INAVA: variants seen among roughly 807,000 people sequenced by gnomAD.
The protein encoded by INAVA is innate immunity activator protein.
A neutral mutation model predicts 55.3 loss-of-function variants in INAVA; 32 were observed. The ratio of observed to expected loss-of-function variants is 0.58; its 90% CI spans 0.44 to 0.78. INAVA has a LOEUF of 0.78. Among genes scored for constraint, INAVA ranks in the 30% least tolerant of loss-of-function variants. The pLI, the probability that INAVA is intolerant of heterozygous loss-of-function variation, is 0.00. For missense variants in INAVA, 756 were observed against 786.4 expected (o/e 0.96, Z 0.46); for synonymous variants, 294 against 329.4 (o/e 0.89, Z 1.16).
At position 200,911,996 on chromosome 1, in the gene INAVA, C is replaced by G. The variant is rs1259747826; in HGVS notation, c.1503C>G (p.Ser501=). ...GGGGGCTCAGCAAGGCCGCCGTGTC[C>G]GAGGAGCTCAAGTGGTGGCACGAGC... is the stretch of plus-strand genomic sequence containing the variant. ...AGRGLSKAAV[S]EELKWWHERA... Residue 501 remains serine (S), a synonymous_variant, in exon 9 of 10, where the codon TCC becomes TCG. Coordinates refer to ENST00000413687, the MANE Select transcript of INAVA (RefSeq NM_001142569.3). 1.3e-6 allele frequency: 2 copies of G among 1,532,724 alleles called. No homozygotes were observed. Among genetic ancestry groups the G allele is most frequent in the South Asian group, 2.4e-5 (2 of 83,072 alleles). 94.9% of individuals were successfully genotyped at this position (1,532,724 alleles called of 1,614,324 possible).
intron 1 of INAVA, among the ~76,000 whole-genome samples, chr1:200,895,541 G>C (rs999626272): frequency 2.6e-5 from 4 of 152,114 alleles, no homozygotes; most frequent in Admixed American, 6.5e-5. Flanking sequence ...TGTTAGGGAG[G>C]GGGTGGGGAT....
chr1:200,904,452 C>T (rs960166840), intron 5 of INAVA, among the ~76,000 whole-genome samples: 9 of 152,168 alleles, frequency 5.9e-5, no homozygotes, highest in Admixed American at 3.9e-4. Context: ...AGTAGCCACT[C>T]GCTGCATGTG....
rs770666659 is a variant in INAVA, at chr1:200,900,923, GC to G, written c.298-9del. On this transcript the variant is annotated splice_polypyrimidine_tract_variant and intron_variant, in intron 4 of 9. Transcript: ENST00000413687. ...CCTGCCTCTCTCTAGCCTCACTCCTGCCCCCTCTCTCAGGACCCCCTAAGCA... is the reference window on the plus strand; with the variant it reads ...CCTGCCTCTCTCTAGCCTCACTCCTGCCCCTCTCTCAGGACCCCCTAAGCA... The G allele has an allele frequency of 1.3e-6, 2 of 1,533,522 alleles. No homozygotes were observed. The highest frequency in any genetic ancestry group is 2.5e-5 in the East Asian group (1 of 40,720). 95.0% of individuals were successfully genotyped at this position (1,533,522 alleles called of 1,614,324 possible).
chr1:200,893,789 G>A (rs751832435), upstream of INAVA, among the ~76,000 whole-genome samples: 6 of 152,166 alleles, frequency 3.9e-5, no homozygotes, highest in Admixed American at 6.5e-5. Context: ...CATGAGTTCC[G>A]CTCCACAGGA....
intron 8 of INAVA, among the ~76,000 whole-genome samples, chr1:200,911,134 TAAAAAA>T (rs66499924): frequency 2.6e-4 from 5 of 18,934 alleles, no homozygotes; most frequent in Admixed American, 4.4e-4. Flanking sequence ...TGTAGTACTT[TAAAAAA>T]AGTACTTAAT....
chr1:200,894,391 G>A (rs559158866), upstream of INAVA, among the ~76,000 whole-genome samples: 1 of 152,296 alleles, frequency 6.6e-6, no homozygotes, highest in South Asian at 2.1e-4. Flanking sequence ...CTGCATATTG[G>A]AATTCCAGCT....
chr1:200,905,192 C>A (rs1261750088), intron 5 of INAVA, among the ~76,000 whole-genome samples: 1 of 152,150 alleles, frequency 6.6e-6, no homozygotes, highest in Non-Finnish European at 1.5e-5. Context: ...TCAAGCCCAG[C>A]TCCTGGTACC....
At chr1:200,897,581 G>C (rs979248903) in intron 1 of INAVA, among the ~76,000 whole-genome samples, 2 of 152,162 alleles carry the variant, frequency 1.3e-5, no homozygotes, top group Non-Finnish European at 2.9e-5. Context: ...ACACCTCCTG[G>C]GTTCTTGGGT....
Position 200,901,050 on chromosome 1 carries a change from GCACTC to G in INAVA, c.414_418del (p.Ser139AlafsTer21). Reference sequence around the variant, plus strand: ...GCAGGCAGGCTCGGCGGCAGCGGAAGCACTCCATGCTGCAGGAGGAGAAGAAGCTG... The same window carrying G: ...GCAGGCAGGCTCGGCGGCAGCGGAAGCATGCTGCAGGAGGAGAAGAAGCTG... On this transcript the variant is annotated frameshift_variant, in exon 5 of 10. Transcript: ENST00000413687. LOFTEE classifies it high-confidence loss of function. 1 of 1,546,066 alleles carries G rather than the reference GCACTC, an allele frequency of 6.5e-7. No individual in the cohort carries two copies. Among genetic ancestry groups the G allele is most frequent in the South Asian group, 1.2e-5 (1 of 84,004 alleles).
At chr1:200,895,199 C>T in intron 1 of INAVA, 112 bp downstream of exon 1, 1 of 872,136 alleles carries the variant, frequency 1.1e-6, no homozygotes. Context: ...CCCCGCCAGC[C>T]TATGTCTGGT....
chr1:200,908,625 A>T, intron 6 of INAVA, 105 bp from the exon 7 acceptor site: 1 of 965,566 alleles, frequency 1.0e-6, no homozygotes, highest in Non-Finnish European at 1.6e-6. Context: ...TGCACAAGCC[A>T]GCATGGGAGG....
At chr1:200,895,226 G>A (rs1431272730) in intron 1 of INAVA, 139 bp downstream of exon 1, 6 of 702,698 alleles carry the variant, frequency 8.5e-6, no homozygotes, top group Non-Finnish European at 1.0e-5. Flanking sequence ...GGATGACAGA[G>A]GGGTGCTGGT....
chr1:200,907,744 C>T, intron 5 of INAVA, 90 bp from the exon 6 acceptor site: 1 of 985,208 alleles, frequency 1.0e-6, no homozygotes, highest in Non-Finnish European at 1.6e-6. Context: ...GGGGAGTGAT[C>T]AGGCCTGAGC....
chr1:200,899,141 A>G (rs536129000), intron 2 of INAVA, among the ~76,000 whole-genome samples: 1 of 150,528 alleles, frequency 6.6e-6, no homozygotes, highest in South Asian at 2.1e-4. Context: ...AGAGACAGGA[A>G]GAAGAAGGAG....
At chr1:200,899,624 C>G in intron 3 of INAVA, 27 bp downstream of exon 3, 1 of 1,608,692 alleles carries the variant, frequency 6.2e-7, no homozygotes, top group Non-Finnish European at 8.5e-7. Context: ...CACACACAAG[C>G]ATCGGGTTCA....
intron 5 of INAVA, among the ~76,000 whole-genome samples, chr1:200,905,262 C>T (rs1373046649): frequency 6.6e-6 from 1 of 152,158 alleles, no homozygotes; most frequent in Non-Finnish European, 1.5e-5. Context: ...AATTGCGGAG[C>T]AGGCTGAGCA....
intron 9 of INAVA, among the ~76,000 whole-genome samples, chr1:200,912,928 G>A (rs1653811295): frequency 6.6e-6 from 1 of 152,120 alleles, no homozygotes; most frequent in African/African-American, 2.4e-5. Context: ...GGCAGCCTTG[G>A]TTTCCTTGGC....
At chr1:200,896,283 G>A (rs1208727596) in intron 1 of INAVA, among the ~76,000 whole-genome samples, 1 of 145,792 alleles carries the variant, frequency 6.9e-6, no homozygotes, top group African/African-American at 2.5e-5. Context: ...CATGCTAGCT[G>A]AGACCACCTT....
In INAVA at chr1:200,901,035, T is replaced by C. The variant is rs2102305285; in HGVS notation, c.396T>C (p.Ala132=). 1 of 1,548,674 alleles carries C rather than the reference T, an allele frequency of 6.5e-7. No homozygotes were observed. Among genetic ancestry groups the C allele is most frequent in the Admixed American group, 2.0e-5 (1 of 51,008 alleles). ...LCLEENLSRQ[A]RRQRKHSMLQ... The stretch of plus-strand genomic sequence containing the variant: ...TGGAGGAGAACCTCAGCAGGCAGGC[T>C]CGGCGGCAGCGGAAGCACTCCATGC... Residue 132 remains alanine (A), a synonymous_variant, in exon 5 of 10, where the codon GCT becomes GCC. Transcript: ENST00000413687.
Sources: gnomAD v4.1 joint callset for allele counts (sites outside exome capture counted in the v4.1 genomes callset) on GRCh38, gnomAD v4.1.1 for gene constraint, MANE v1.5 for transcripts, NCBI Gene and HGNC (gene_info 2026-07-23, HGNC 2026-07-21) for gene names.